B3GALT1: variants seen among roughly 807,000 people sequenced by gnomAD.
B3GALT1 encodes the protein UDP-Gal:betaGlcNAc beta 1,3-galactosyltransferase, polypeptide 1.
Under a neutral mutation model 23.2 loss-of-function variants are expected in B3GALT1, and 10 were observed. The ratio of observed to expected loss-of-function variants is 0.43; its 90% CI spans 0.27 to 0.73. B3GALT1 has a LOEUF of 0.73. B3GALT1 is among the 30% of genes least tolerant of loss of function. B3GALT1 has a pLI of 0.21. For synonymous variants in B3GALT1, 156 were observed against 141.5 expected, an observed-to-expected ratio of 1.10 and a Z score of -0.73; for missense variants, 299 against 405.4, an observed-to-expected ratio of 0.74 and a Z score of 2.25.
intron 2 of B3GALT1, among the ~76,000 whole-genome samples, chr2:167,550,224 A>G (rs1342849776): frequency 1.3e-5 from 2 of 152,234 alleles, no homozygotes; most frequent in Non-Finnish European, 2.9e-5. Flanking sequence ...GTAATTTTGT[A>G]TAGTGCATGC....
intron 3 of B3GALT1, among the ~76,000 whole-genome samples, chr2:167,775,221 T>C (rs1688140325): frequency 6.6e-6 from 1 of 152,170 alleles, no homozygotes; most frequent in Non-Finnish European, 1.5e-5. Flanking sequence ...AATAAATAAA[T>C]TATGGTACAT....
At chr2:167,843,079 G>A (rs1000503336) in intron 4 of B3GALT1, among the ~76,000 whole-genome samples, 5 of 152,128 alleles carry the variant, frequency 3.3e-5, no homozygotes, top group East Asian at 1.9e-4. Flanking sequence ...TGTAGTTTTA[G>A]CAATTCACAA....
chr2:167,629,030 T>C (rs919346799), intron 2 of B3GALT1, among the ~76,000 whole-genome samples: 3 of 151,598 alleles, frequency 2.0e-5, no homozygotes, highest in South Asian at 2.1e-4. Flanking sequence ...CTACCATAAA[T>C]TGGACATAAG....
intron 3 of B3GALT1, among the ~76,000 whole-genome samples, chr2:167,647,334 G>C (rs568468534): frequency 1.3e-5 from 2 of 152,198 alleles, no homozygotes; most frequent in East Asian, 3.9e-4. Flanking sequence ...ACAGGAAAGG[G>C]AAGCCCTGAG....
intron 3 of B3GALT1, among the ~76,000 whole-genome samples, chr2:167,730,506 A>T (rs988420658): frequency 1.4e-4 from 22 of 152,232 alleles, no homozygotes; most frequent in East Asian, 1.4e-3. Flanking sequence ...ATTATCAGGA[A>T]CTCTCTTTAC....
chr2:167,481,566 G>C (rs1387944697), intron 1 of B3GALT1, among the ~76,000 whole-genome samples: 2 of 152,188 alleles, frequency 1.3e-5, no homozygotes, highest in Admixed American at 1.3e-4. Flanking sequence ...TACAATCTTA[G>C]CTATAAACAT....
intron 2 of B3GALT1, among the ~76,000 whole-genome samples, chr2:167,505,160 G>A (rs1035415073): frequency 6.6e-6 from 1 of 152,172 alleles, no homozygotes; most frequent in Non-Finnish European, 1.5e-5. Flanking sequence ...ATTACACAAT[G>A]GGCTGGTTAT....
chr2:167,465,195 T>G (rs187023724), intron 1 of B3GALT1, among the ~76,000 whole-genome samples: 1 of 152,344 alleles, frequency 6.6e-6, no homozygotes, highest in East Asian at 1.9e-4. Flanking sequence ...TTTGAGTTTG[T>G]GTATTTATTT....
intron 3 of B3GALT1, among the ~76,000 whole-genome samples, chr2:167,760,622 C>T (rs1182135220): frequency 1.3e-5 from 2 of 152,160 alleles, no homozygotes; most frequent in Admixed American, 6.6e-5. Context: ...GAACTTTTTA[C>T]AGTTCTTGTC....
chr2:167,518,997 A>G (rs1700143635), intron 2 of B3GALT1, among the ~76,000 whole-genome samples: 1 of 152,244 alleles, frequency 6.6e-6, no homozygotes, highest in South Asian at 2.1e-4. Flanking sequence ...TTCTTATGAA[A>G]GGAGAATGAG....
chr2:167,610,045 A>C (rs1326561417), intron 2 of B3GALT1, among the ~76,000 whole-genome samples: 1 of 150,296 alleles, frequency 6.7e-6, no homozygotes, highest in Non-Finnish European at 1.5e-5. Context: ...AAACTTTTGC[A>C]AAAAAAATAT....
chr2:167,828,368 G>A (rs1022547382), intron 4 of B3GALT1, among the ~76,000 whole-genome samples: 6 of 152,154 alleles, frequency 3.9e-5, no homozygotes, highest in East Asian at 1.9e-4. Context: ...ATGAACTGCC[G>A]AATGAATTAA....
chr2:167,775,957 TACACC>T (rs1241973909), intron 3 of B3GALT1, among the ~76,000 whole-genome samples: 1 of 150,304 alleles, frequency 6.7e-6, no homozygotes, highest in Non-Finnish European at 1.5e-5. Context: ...CTAAATGAAA[TACACC>T]ACAGTACCCC....
chr2:167,522,861 C>T (rs768206353), intron 2 of B3GALT1, among the ~76,000 whole-genome samples: 6 of 152,136 alleles, frequency 3.9e-5, no homozygotes, highest in African/African-American at 7.2e-5. Context: ...GAGTCTTTCA[C>T]CTGTGCCTAT....
intron 1 of B3GALT1, among the ~76,000 whole-genome samples, chr2:167,424,175 T>G (rs1274694252): frequency 6.6e-6 from 1 of 152,114 alleles, no homozygotes. Context: ...GTAGTACACA[T>G]GCCATAAGTG....
At chr2:167,412,231 G>A (rs549783043) in intron 1 of B3GALT1, among the ~76,000 whole-genome samples, 23 of 152,164 alleles carry the variant, frequency 1.5e-4, no homozygotes, top group African/African-American at 5.5e-4. Flanking sequence ...CATTAAACGT[G>A]AAGAAAAGTA....
rs887187710 is a variant in B3GALT1 at position 167,626,195 on chromosome 2, G to T, written c.-409-20714G>T. Among the ~76,000 whole-genome samples, 7 of 151,128 alleles carry T rather than the reference G, an allele frequency of 4.6e-5. No individual in the cohort carries two copies. The South Asian group carries it at 1.3e-3, about 27-fold the overall frequency. ...ATTTTTTGGTGTTAAAGTGACAGTG[G>T]ACCTTAGCCATATCAAGATTTTTTA... is the stretch of plus-strand genomic sequence containing the variant. On this transcript the variant is annotated intron_variant, in intron 2 of 4. Transcript: ENST00000392690.
At chr2:167,641,933 C>G (rs1417943207) in intron 2 of B3GALT1, among the ~76,000 whole-genome samples, 1 of 152,214 alleles carries the variant, frequency 6.6e-6, no homozygotes, top group Non-Finnish European at 1.5e-5. Context: ...CTCAACATAT[C>G]TATCAGGCAT....
chr2:167,627,425 A>G (rs570475653), intron 2 of B3GALT1, among the ~76,000 whole-genome samples: 58 of 151,828 alleles, frequency 3.8e-4, no homozygotes, highest in African/African-American at 1.3e-3. Context: ...ATCATGCAAT[A>G]TATAACTTTT....
Sources: allele counts gnomAD v4.1 joint callset (sites outside exome capture counted in the v4.1 genomes callset), GRCh38; gene constraint gnomAD v4.1.1; transcripts MANE v1.5; gene names NCBI Gene and HGNC (gene_info 2026-07-23, HGNC 2026-07-21).